The following RADIL variants were observed in gnomAD, a reference collection of about 807,000 sequenced individuals.
RADIL encodes the protein ras-associating and dilute domain-containing protein.
RADIL carries 99 observed loss-of-function variants against 97.6 expected under a neutral mutation model. That is an observed-to-expected ratio of 1.01 (90% CI 0.86 to 1.20). RADIL has a LOEUF of 1.20. RADIL is among the 50% of genes most tolerant of loss of function. The pLI is 0.00. For missense variants in RADIL, 1,765 were observed against 1,498.9 expected, an observed-to-expected ratio of 1.18 and a Z score of -2.93; for synonymous variants, 803 against 691.8, an observed-to-expected ratio of 1.16 and a Z score of -2.52.
At position 4,835,112 on chromosome 7, in the gene RADIL, G is replaced by A. The variant is rs753555428; in HGVS notation, c.911C>T (p.Pro304Leu). ...CGCGGCCTGGCCGCTGTCCGGGAGCGGTTGCCGGCGGATGGTGCAGTGTAG... is the reference window on the plus strand; with the variant it reads ...CGCGGCCTGGCCGCTGTCCGGGAGCAGTTGCCGGCGGATGGTGCAGTGTAG... ...LPLHCTIRRQ[P>L]LPDSGQAAGR... is the part of the protein sequence containing the mutation. Residue 304 changes from proline (P) to leucine (L), a missense_variant, in exon 4 of 15, where the codon CCG becomes CTG. Physicochemically the swap from Pro to Leu is moderately conservative, Grantham distance 98 (BLOSUM62 -3). Transcript: ENST00000399583. This position sits in a 1 kb window ranked among gnomAD's most constrained non-coding sequence, Gnocchi z 5.8. The A allele has an allele frequency of 8.7e-6, 14 of 1,608,652 alleles. No individual in the cohort carries two copies. The highest frequency in any genetic ancestry group is 1.6e-4 in the Middle Eastern group (1 of 6,078).
intron 9 of RADIL, chr7:4,809,587 C>T (rs745396217): frequency 4.1e-6 from 4 of 985,358 alleles, no homozygotes; most frequent in Admixed American, 6.1e-5. Flanking sequence ...CACTTCCAGC[C>T]CTGCAGACAC....
chr7:4,801,204 G>A (rs1391000035), intron 12 of RADIL, among the ~76,000 whole-genome samples: 5 of 151,976 alleles, frequency 3.3e-5, no homozygotes, highest in Admixed American at 6.5e-5. Flanking sequence ...ATGCACACAC[G>A]CACCAGCACA....
intron 2 of RADIL, among the ~76,000 whole-genome samples, chr7:4,850,713 C>T (rs1204696258): frequency 6.6e-6 from 1 of 152,182 alleles, no homozygotes; most frequent in Non-Finnish European, 1.5e-5. Flanking sequence ...AGGAATTGAA[C>T]TCTGCCAACA....
In RADIL at chr7:4,803,763, G is replaced by C. The variant is rs1782196594; in HGVS notation, c.2291-9C>G. On this transcript the variant is annotated splice_polypyrimidine_tract_variant and intron_variant, in intron 10 of 14. Transcript: ENST00000399583. Reference sequence around the variant, plus strand: ...GGACTCCAGAACATCCTCTGCAGGGGAGAGAGGATGCCCGTAATGGCCACA... The same window carrying C: ...GGACTCCAGAACATCCTCTGCAGGGCAGAGAGGATGCCCGTAATGGCCACA... The C allele has an allele frequency of 1.3e-6, 2 of 1,551,544 alleles. No homozygotes were observed. The highest frequency in any genetic ancestry group is 1.7e-6 in the Non-Finnish European group (2 of 1,146,388).
intron 2 of RADIL, chr7:4,859,842 T>C (rs1354634070): frequency 8.9e-7 from 1 of 1,127,032 alleles, no homozygotes; most frequent in East Asian, 2.4e-5. Context: ...CTCTTCCGTT[T>C]TGGTTTTCTT....
Position 4,814,801 on chromosome 7 carries a change from CT to C in RADIL, c.2139+476del, listed in dbSNP as rs1228325765. Among the ~76,000 whole-genome samples the C allele has an allele frequency of 6.6e-6, 1 of 152,236 alleles. No homozygotes were observed. Among genetic ancestry groups the C allele is most frequent in the African/African-American group, 2.4e-5 (1 of 41,470 alleles). On this transcript the variant is annotated intron_variant, in intron 9 of 14. Coordinates refer to ENST00000399583, the MANE Select transcript of RADIL (RefSeq NM_018059.5). The surrounding 1 kb of genome is among the most constrained non-coding windows in gnomAD (Gnocchi z 4.5). Reference sequence around the variant, plus strand: ...GAATTCAGTTCCTGTGGTTGTAGGACTGGGGTCCCGTTTCCAGACTGGCTGT... The same window carrying C: ...GAATTCAGTTCCTGTGGTTGTAGGACGGGGTCCCGTTTCCAGACTGGCTGT...
At chr7:4,805,923 C>T (rs545790444) in intron 9 of RADIL, 52 of 985,348 alleles carry the variant, frequency 5.3e-5, no homozygotes, top group Non-Finnish European at 5.8e-5. Context: ...AGGGAGAGGC[C>T]GGCCAGTGCC....
intron 5 of RADIL, among the ~76,000 whole-genome samples, chr7:4,826,070 T>C (rs1782967426): frequency 6.6e-6 from 1 of 151,390 alleles, no homozygotes; most frequent in East Asian, 2.0e-4. Flanking sequence ...AGCCAGGGCA[T>C]GGTGGTGCAT....
intron 12 of RADIL, among the ~76,000 whole-genome samples, chr7:4,800,611 G>C (rs1311293937): frequency 2.0e-5 from 3 of 152,068 alleles, no homozygotes; most frequent in Non-Finnish European, 2.9e-5. Context: ...ACGCGGTTCT[G>C]TGCCACCTCC....
At chr7:4,852,720 T>C (rs1583307880) in intron 2 of RADIL, among the ~76,000 whole-genome samples, 1 of 152,320 alleles carries the variant, frequency 6.6e-6, no homozygotes, top group African/African-American at 2.4e-5. Flanking sequence ...TTTTTGTGTT[T>C]TTGGTAGAGA....
At position 4,813,891 on chromosome 7, in the gene RADIL, T is replaced by C. The variant is rs933308989; in HGVS notation, c.2139+1387A>G. 6.6e-6 allele frequency among the ~76,000 whole-genome samples: 1 copy of C among 152,172 alleles called. No individual in the cohort carries two copies. The highest frequency in any genetic ancestry group is 2.4e-5 in the African/African-American group (1 of 41,450). Reference sequence around the variant, plus strand: ...TCCAGAGGTACCTGGTGCCACCAATTCCTGAGCCTCTTGGTGGCTTCCTGT... The same window carrying C: ...TCCAGAGGTACCTGGTGCCACCAATCCCTGAGCCTCTTGGTGGCTTCCTGT... On this transcript the variant is annotated intron_variant, in intron 9 of 14. Transcript: ENST00000399583. This position sits in a 1 kb window ranked among gnomAD's most constrained non-coding sequence, Gnocchi z 5.0.
At chr7:4,803,860 C>T in intron 10 of RADIL, 106 bp from the exon 11 acceptor site, 1 of 995,670 alleles carries the variant, frequency 1.0e-6, no homozygotes, top group East Asian at 2.6e-5. Flanking sequence ...AGATTGAGCC[C>T]TGAGTCCCCT....
rs1197153604 is a variant in RADIL at position 4,840,134 on chromosome 7, A to G, written c.536-3529T>C. Among the ~76,000 whole-genome samples the G allele has an allele frequency of 6.6e-6, 1 of 152,184 alleles. No individual in the cohort carries two copies. The highest frequency in any genetic ancestry group is 2.4e-5 in the African/African-American group (1 of 41,448). On this transcript the variant is annotated intron_variant, in intron 2 of 14. Coordinates refer to ENST00000399583, the MANE Select transcript of RADIL (RefSeq NM_018059.5). This position sits in a 1 kb window ranked among gnomAD's most constrained non-coding sequence, Gnocchi z 5.6. ...CTTTGTGACTTGGCCCTGTCCCAAG[A>G]TGAGGCTGCGGCAGATGGGACCCAG...
rs1783236505 is a variant in RADIL, at chr7:4,834,488, C to G, written c.1416+119G>C. On this transcript the variant is annotated intron_variant, in intron 4 of 14. Transcript: ENST00000399583. This position sits in a 1 kb window ranked among gnomAD's most constrained non-coding sequence, Gnocchi z 6.0. ...CAGGGAAAGGCCGCCCTGCGCTCAG[C>G]AGCACAGCACCGTGGGGGTCAGATA... is the stretch of plus-strand genomic sequence containing the variant. 1 of 1,151,414 alleles carries G rather than the reference C, an allele frequency of 8.7e-7. No individual in the cohort carries two copies. The highest frequency in any genetic ancestry group is 1.1e-6 in the Non-Finnish European group (1 of 914,074). The allele number at this position is 1,151,414 out of a possible 1,614,324, so 71.3% of individuals were successfully genotyped here.
intron 2 of RADIL, among the ~76,000 whole-genome samples, chr7:4,853,710 C>G (rs547240404): frequency 6.9e-6 from 1 of 144,370 alleles, no homozygotes; most frequent in East Asian, 2.0e-4. Context: ...CCACTGCACT[C>G]CAGCCTGGGC....
intron 2 of RADIL, among the ~76,000 whole-genome samples, chr7:4,866,033 G>A (rs191326262): frequency 7.9e-5 from 12 of 152,248 alleles, no homozygotes; most frequent in Admixed American, 4.6e-4. Context: ...TTCCAACAAT[G>A]ACAAATTGCC....
intron 14 of RADIL, 26 bp downstream of exon 14, chr7:4,799,604 G>A (rs940968516): frequency 4.4e-6 from 7 of 1,606,076 alleles, no homozygotes; most frequent in East Asian, 4.5e-5. Context: ...GGGAGAAGGG[G>A]CCGGGCGTGC....
intron 2 of RADIL, among the ~76,000 whole-genome samples, chr7:4,843,164 CG>C (rs1472471993): frequency 1.3e-5 from 2 of 150,518 alleles, no homozygotes; most frequent in African/African-American, 4.9e-5. Context: ...CCACTACCCC[CG>C]ACCCCCGCCA....
chr7:4,883,673 G>C lies in RADIL; in HGVS notation c.-142C>G, dbSNP rs1784531068. On this transcript the variant is annotated 5_prime_UTR_variant, in exon 1 of 15. Transcript: ENST00000399583. The surrounding 1 kb of genome is among the most constrained non-coding windows in gnomAD (Gnocchi z 7.1). ...TTGGCTGGGGCCGGCGCCCAGACCC[G>C]CGCGTGCCGCGGCGCCTCCTGCCGG... 6.6e-6 allele frequency: 1 copy of C among 151,890 alleles called. No individual in the cohort carries two copies. Among genetic ancestry groups the C allele is most frequent in the African/African-American group, 2.4e-5 (1 of 41,418 alleles). 9.4% of individuals were successfully genotyped at this position (151,890 alleles called of 1,614,324 possible).
Sources: gnomAD v4.1 joint callset for allele counts (sites outside exome capture counted in the v4.1 genomes callset) on GRCh38, gnomAD v4.1.1 for gene constraint, Gnocchi (gnomAD v3.1) non-coding constraint, MANE v1.5 for transcripts, NCBI Gene and HGNC (gene_info 2026-07-23, HGNC 2026-07-21) for gene names.